The following GAREM1 variants were observed in gnomAD, a reference collection of about 807,000 sequenced individuals.
The protein encoded by GAREM1 is GRB2 associated regulator of MAPK1 subtype 1.
A neutral mutation model predicts 71.3 loss-of-function variants in GAREM1; 26 were observed. The ratio of observed to expected loss-of-function variants is 0.36; its 90% CI spans 0.27 to 0.51. The LOEUF (loss-of-function observed/expected upper bound fraction) is 0.51, where lower values mean the gene tolerates loss of function less well. GAREM1 is among the 20% of genes least tolerant of loss of function. The pLI, the probability that GAREM1 is intolerant of heterozygous loss-of-function variation, is 0.95. For synonymous variants in GAREM1, 440 were observed against 433.2 expected (o/e 1.02, Z -0.20); for missense variants, 1,026 against 1,103.1 (o/e 0.93, Z 0.99).
chr18:32,286,779 G>A (rs1029628100), intron 4 of GAREM1, among the ~76,000 whole-genome samples: 3 of 151,930 alleles, frequency 2.0e-5, no homozygotes, highest in Admixed American at 6.6e-5. Flanking sequence ...TCCATTCTCC[G>A]GGCAGCAGCA....
At chr18:32,330,875 C>T (rs1257253785) in intron 2 of GAREM1, among the ~76,000 whole-genome samples, 4 of 152,194 alleles carry the variant, frequency 2.6e-5, no homozygotes, top group African/African-American at 7.2e-5. Flanking sequence ...GAGGGTCTTA[C>T]AGCCAAGCAC....
At chr18:32,424,054 T>G (rs1219399348) in intron 1 of GAREM1, among the ~76,000 whole-genome samples, 2 of 151,952 alleles carry the variant, frequency 1.3e-5, no homozygotes, top group Non-Finnish European at 2.9e-5. Context: ...GAGGATCACT[T>G]GAGCCCAGGA....
chr18:32,342,930 G>T (rs1407938117), intron 2 of GAREM1, among the ~76,000 whole-genome samples: 1 of 152,080 alleles, frequency 6.6e-6, no homozygotes, highest in East Asian at 1.9e-4. Context: ...TAAACAATTT[G>T]GCAGATACTA....
intron 3 of GAREM1, 51 bp from the exon 4 acceptor site, chr18:32,288,254 G>A (rs770101386): frequency 1.9e-5 from 27 of 1,420,702 alleles, no homozygotes; most frequent in Admixed American, 1.3e-4. Context: ...ATCTATTCAC[G>A]CAAAGAACTT....
intron 2 of GAREM1, among the ~76,000 whole-genome samples, chr18:32,385,181 C>T (rs1451820157): frequency 6.9e-6 from 1 of 145,938 alleles, no homozygotes; most frequent in Non-Finnish European, 1.5e-5. Flanking sequence ...CTTGGCTTCC[C>T]TTTTTTTTTT....
chr18:32,449,647 A>C (rs2048815849), intron 1 of GAREM1, among the ~76,000 whole-genome samples: 1 of 152,206 alleles, frequency 6.6e-6, no homozygotes, highest in Non-Finnish European at 1.5e-5. Context: ...TCTGGGCAAC[A>C]GAGTGAGACT....
At chr18:32,275,948 T>C (rs1207545824) in intron 4 of GAREM1, among the ~76,000 whole-genome samples, 2 of 152,224 alleles carry the variant, frequency 1.3e-5, no homozygotes, top group Admixed American at 1.3e-4. Flanking sequence ...GTGCTGGGAT[T>C]ACAGGCGTGA....
rs183735044 is a variant in GAREM1 at position 32,271,566 on chromosome 18, G to A, written c.1567-1183C>T. ...CAGGTTTTGATTCTGTTGACCCAGG[G>A]TGGGGCCTGGGAATCTGCATTTCTA... On this transcript the variant is annotated intron_variant, in intron 4 of 5. Coordinates refer to ENST00000269209, the MANE Select transcript of GAREM1 (RefSeq NM_001242409.2). 3.2e-4 allele frequency among the ~76,000 whole-genome samples: 49 copies of A among 152,312 alleles called. No individual in the cohort carries two copies. The South Asian group carries it at 4.2e-3, about 13-fold the overall frequency.
chr18:32,282,338 A>C (rs564800177), intron 4 of GAREM1, among the ~76,000 whole-genome samples: 2 of 152,208 alleles, frequency 1.3e-5, no homozygotes, highest in Non-Finnish European at 2.9e-5. Context: ...AGGCAGGGGA[A>C]TCGCTTGAAC....
chr18:32,469,232 T>A (rs995618841), intron 1 of GAREM1, among the ~76,000 whole-genome samples: 2 of 152,144 alleles, frequency 1.3e-5, no homozygotes, highest in Non-Finnish European at 2.9e-5. Flanking sequence ...TTACCCACTC[T>A]TCTACCCCAG....
intron 2 of GAREM1, among the ~76,000 whole-genome samples, chr18:32,314,087 A>G (rs1169377040): frequency 1.3e-5 from 2 of 150,744 alleles, no homozygotes; most frequent in Non-Finnish European, 3.0e-5. Flanking sequence ...TTTGACAAAA[A>G]AAGTTTTTTT....
intron 2 of GAREM1, among the ~76,000 whole-genome samples, chr18:32,315,450 A>G (rs2047367751): frequency 6.8e-6 from 1 of 147,534 alleles, no homozygotes; most frequent in Non-Finnish European, 1.5e-5. Flanking sequence ...AAATATATAT[A>G]AAAGTATATA....
intron 1 of GAREM1, among the ~76,000 whole-genome samples, chr18:32,441,994 AT>A (rs35560827): frequency 1.5e-3 from 228 of 148,652 alleles, no homozygotes; most frequent in African/African-American, 3.5e-3. Flanking sequence ...GCAAATTGTA[AT>A]TTTTTTTTTT....
intron 1 of GAREM1, among the ~76,000 whole-genome samples, chr18:32,419,923 G>T (rs547867582): frequency 6.6e-6 from 1 of 152,284 alleles, no homozygotes; most frequent in Non-Finnish European, 1.5e-5. Flanking sequence ...TATACTTTGA[G>T]ATATTATGAT....
intron 1 of GAREM1, among the ~76,000 whole-genome samples, chr18:32,400,333 T>C (rs2048301570): frequency 6.6e-6 from 1 of 152,030 alleles, no homozygotes; most frequent in South Asian, 2.1e-4. Context: ...GGGATCTAAT[T>C]AAACTAAAGA....
At chr18:32,323,020 C>G (rs1215850150) in intron 2 of GAREM1, among the ~76,000 whole-genome samples, 1 of 152,180 alleles carries the variant, frequency 6.6e-6, no homozygotes, top group African/African-American at 2.4e-5. Flanking sequence ...AACTCAAATA[C>G]TTATGAGACC....
rs145134308 is a variant in GAREM1, at chr18:32,419,101, G to A, written c.122-26066C>T. 1.2e-4 allele frequency among the ~76,000 whole-genome samples: 18 copies of A among 152,244 alleles called. No individual in the cohort carries two copies. The East Asian group carries it at 3.5e-3, about 29-fold the overall frequency. On this transcript the variant is annotated intron_variant, in intron 1 of 5. Coordinates refer to ENST00000269209, the MANE Select transcript of GAREM1 (RefSeq NM_001242409.2). ...CCTGTCCTTTTGCTGGGTATTCACTGGAAACTGCTCTTGATTCCTATTCTC... is the reference window on the plus strand; with the variant it reads ...CCTGTCCTTTTGCTGGGTATTCACTAGAAACTGCTCTTGATTCCTATTCTC...
intron 2 of GAREM1, among the ~76,000 whole-genome samples, chr18:32,355,798 G>C (rs997035597): frequency 1.3e-5 from 2 of 152,082 alleles, no homozygotes; most frequent in African/African-American, 2.4e-5. Flanking sequence ...AAGGTTATAA[G>C]CCCACCAAAC....
intron 1 of GAREM1, among the ~76,000 whole-genome samples, chr18:32,456,914 G>C (rs1036326304): frequency 6.6e-6 from 1 of 152,072 alleles, no homozygotes; most frequent in Non-Finnish European, 1.5e-5. Flanking sequence ...ATATAAGCAA[G>C]AGGCTGAAAA....
Sources: gnomAD v4.1 joint callset for allele counts (sites outside exome capture counted in the v4.1 genomes callset) on GRCh38, gnomAD v4.1.1 for gene constraint, MANE v1.5 for transcripts, NCBI Gene and HGNC (gene_info 2026-07-23, HGNC 2026-07-21) for gene names.